The following SLC2A13 variants were observed in gnomAD, a reference collection of about 807,000 sequenced individuals.
The protein encoded by SLC2A13 is solute carrier family 2 member 13.
Under a neutral mutation model 64.4 loss-of-function variants are expected in SLC2A13, and 32 were observed. The observed-to-expected ratio is 0.50, with a 90% CI of 0.37 to 0.67. The LOEUF (loss-of-function observed/expected upper bound fraction) is 0.67. SLC2A13 is among the 30% of genes least tolerant of loss of function. The pLI is 0.00. For synonymous variants in SLC2A13, 338 were observed against 327.1 expected, an observed-to-expected ratio of 1.03 and a Z score of -0.36; for missense variants, 743 against 829.2, an observed-to-expected ratio of 0.90 and a Z score of 1.28.
At chr12:39,960,756 T>TTG (rs1406880847) in intron 3 of SLC2A13, among the ~76,000 whole-genome samples, 1 of 149,224 alleles carries the variant, frequency 6.7e-6, no homozygotes, top group African/African-American at 2.5e-5. Flanking sequence ...TTTTTTTTTT[T>TTG]TTTTTTTTCA....
chr12:39,994,808 A>C (rs149254274), intron 3 of SLC2A13, among the ~76,000 whole-genome samples: 52 of 152,352 alleles, frequency 3.4e-4, no homozygotes, highest in African/African-American at 1.2e-3. Flanking sequence ...TAACCTCTAC[A>C]GGTTTTTGAG....
intron 4 of SLC2A13, among the ~76,000 whole-genome samples, chr12:39,888,926 T>C (rs906076821): frequency 6.6e-5 from 10 of 152,204 alleles, no homozygotes; most frequent in African/African-American, 2.4e-4. Context: ...TTCAAATAAA[T>C]ATATAATAGT....
intron 4 of SLC2A13, among the ~76,000 whole-genome samples, chr12:39,936,453 A>C (rs574976021): frequency 6.6e-6 from 1 of 152,202 alleles, no homozygotes; most frequent in Non-Finnish European, 1.5e-5. Flanking sequence ...ACAGAAGCTG[A>C]GCAAGTGACT....
At chr12:39,811,568 G>A (rs1457517247) in intron 7 of SLC2A13, among the ~76,000 whole-genome samples, 1 of 152,012 alleles carries the variant, frequency 6.6e-6, no homozygotes, top group Non-Finnish European at 1.5e-5. Flanking sequence ...TTTACAGCAT[G>A]GGTTATTTAG....
At chr12:40,071,984 C>T (rs7315459) in intron 1 of SLC2A13, among the ~76,000 whole-genome samples, 144,429 of 152,130 alleles carry the variant, frequency 0.95, 68,627 homozygotes, top group African/African-American at 0.99. Context: ...CCCTCTTTTC[C>T]TGTCTCCTAA....
chr12:39,972,014 A>AT (rs1217967420), intron 3 of SLC2A13, among the ~76,000 whole-genome samples: 15 of 12,262 alleles, frequency 1.2e-3, no homozygotes, highest in Non-Finnish European at 2.5e-3. Context: ...ATATATATAT[A>AT]TTTTTTTTTA....
At chr12:39,963,865 T>C (rs764089374) in intron 3 of SLC2A13, among the ~76,000 whole-genome samples, 1 of 152,202 alleles carries the variant, frequency 6.6e-6, no homozygotes, top group East Asian at 1.9e-4. Flanking sequence ...TAACCATGTA[T>C]GATTCATGCT....
Position 39,917,625 on chromosome 12 carries a change from C to T in SLC2A13, c.1034+33632G>A, listed in dbSNP as rs146045942. Reference sequence around the variant, plus strand: ...TTTTTTTCCTGCCTCATTGCTGGAGCTGAACATCTTATCTCCTCCTGCCCT... The same window carrying T: ...TTTTTTTCCTGCCTCATTGCTGGAGTTGAACATCTTATCTCCTCCTGCCCT... On this transcript the variant is annotated intron_variant, in intron 4 of 9. Coordinates refer to ENST00000280871, the MANE Select transcript of SLC2A13 (RefSeq NM_052885.4). Among the ~76,000 whole-genome samples, 167 of 152,120 alleles carry T rather than the reference C, an allele frequency of 1.1e-3. 2 individuals are homozygous for T. The highest frequency in any genetic ancestry group is 3.8e-3 in the African/African-American group (157 of 41,454).
At chr12:39,816,637 G>A (rs1458350976) in intron 7 of SLC2A13, among the ~76,000 whole-genome samples, 1 of 137,278 alleles carries the variant, frequency 7.3e-6, no homozygotes, top group Non-Finnish European at 1.6e-5. Context: ...ATATTAGTAA[G>A]CTGGACATGG....
In SLC2A13 at chr12:39,951,385, A is replaced by AAG. The variant is rs1160239929; in HGVS notation, c.926-21_926-20insCT. ...GTCCAGCTTTTTTAAGAAAGAAAGA[A>AAG]AAAAAAAATACAACTATTATTTTTA... On this transcript the variant is annotated intron_variant, in intron 3 of 9. Transcript: ENST00000280871. 6.4e-7 allele frequency: 1 copy of AAG among 1,552,922 alleles called. No homozygotes were observed.
Position 40,105,554 on chromosome 12 carries a change from G to A in SLC2A13, c.255C>T (p.Ala85=), listed in dbSNP as rs1043063467. ...GGAAGCCGCCCAGCGCGGAGAAGACGGCCACCACGTACACGAAGGCGGGGG... is the reference window on the plus strand; with the variant it reads ...GGAAGCCGCCCAGCGCGGAGAAGACAGCCACCACGTACACGAAGGCGGGGG... ...DETPAFVYVV[A]VFSALGGFLF... is the part of the protein sequence containing the mutation. Residue 85 remains alanine (A), a synonymous_variant, in exon 1 of 10, where the codon GCC becomes GCT. Transcript: ENST00000280871. The surrounding 1 kb of genome is among the most constrained non-coding windows in gnomAD (Gnocchi z 4.2). The A allele has an allele frequency of 1.9e-6, 3 of 1,578,184 alleles. No homozygotes were observed. The highest frequency in any genetic ancestry group is 1.2e-5 in the South Asian group (1 of 86,552).
At chr12:39,886,815 G>A (rs1246750216) in intron 4 of SLC2A13, among the ~76,000 whole-genome samples, 1 of 152,172 alleles carries the variant, frequency 6.6e-6, no homozygotes, top group Non-Finnish European at 1.5e-5. Context: ...AGACTCACTT[G>A]CAGAGTTGGA....
intron 1 of SLC2A13, among the ~76,000 whole-genome samples, chr12:40,101,501 C>T (rs149075988): frequency 1.2e-3 from 181 of 151,826 alleles, no homozygotes; most frequent in African/African-American, 4.3e-3. Flanking sequence ...TGCTAATACC[C>T]AAAATTTCAA....
chr12:39,946,209 C>T (rs780617767), intron 4 of SLC2A13, among the ~76,000 whole-genome samples: 3 of 152,184 alleles, frequency 2.0e-5, no homozygotes, highest in African/African-American at 4.8e-5. Flanking sequence ...TGATGTGAAC[C>T]GCCTATGGGT....
intron 6 of SLC2A13, among the ~76,000 whole-genome samples, chr12:39,856,864 T>C (rs920889337): frequency 2.0e-5 from 3 of 152,236 alleles, no homozygotes; most frequent in African/African-American, 4.8e-5. Flanking sequence ...AATTAAAGAA[T>C]AGTTAAGTTT....
Position 39,760,251 on chromosome 12 carries a change from TCCTGCA to T in SLC2A13, c.1721-5_1721del, listed in dbSNP as rs1265209720. The T allele has an allele frequency of 6.2e-7, 1 of 1,609,416 alleles. No individual in the cohort carries two copies. The highest frequency in any genetic ancestry group is 1.7e-5 in the Admixed American group (1 of 59,608). ...CAAATCCAGCATAGAGGAAGAAAGC[TCCTGCA>T]ACGGAATATAATAGATACATGAATA... is the stretch of plus-strand genomic sequence containing the variant. On this transcript the variant is annotated splice_acceptor_variant and splice_polypyrimidine_tract_variant and coding_sequence_variant and intron_variant, in exon 10 of 10. Coordinates refer to ENST00000280871, the MANE Select transcript of SLC2A13 (RefSeq NM_052885.4). LOFTEE classifies it high-confidence loss of function.
intron 4 of SLC2A13, among the ~76,000 whole-genome samples, chr12:39,940,379 T>G (rs1374986232): frequency 6.6e-6 from 1 of 152,170 alleles, no homozygotes; most frequent in Non-Finnish European, 1.5e-5. Context: ...TGACCATGTG[T>G]GCTTGTGCTA....
At chr12:39,809,632 A>G (rs1942083955) in intron 7 of SLC2A13, among the ~76,000 whole-genome samples, 1 of 152,098 alleles carries the variant, frequency 6.6e-6, no homozygotes, top group Non-Finnish European at 1.5e-5. Flanking sequence ...CATCAGGTAT[A>G]TCTCCTAATG....
At chr12:39,870,799 G>C (rs978753313) in intron 5 of SLC2A13, among the ~76,000 whole-genome samples, 1 of 152,144 alleles carries the variant, frequency 6.6e-6, no homozygotes, top group Admixed American at 6.6e-5. Context: ...GGAGGTGAAA[G>C]CGTTCTACTC....
Sources: gnomAD v4.1 joint callset for allele counts (sites outside exome capture counted in the v4.1 genomes callset) on GRCh38, gnomAD v4.1.1 for gene constraint, Gnocchi (gnomAD v3.1) non-coding constraint, MANE v1.5 for transcripts, NCBI Gene and HGNC (gene_info 2026-07-23, HGNC 2026-07-21) for gene names.